Variants in OR51B5 observed in about 807,000 individuals in gnomAD.
The protein encoded by OR51B5 is olfactory receptor family 51 subfamily B member 5, also known as olfactory receptor 51B5.
For synonymous variants in OR51B5, 186 were observed against 144.8 expected, an observed-to-expected ratio of 1.28 and a Z score of -2.04; for missense variants, 456 against 374.6, an observed-to-expected ratio of 1.22 and a Z score of -1.79.
chr11:5,366,687 G>A (rs1356828103), intron 1 of OR51B5, among the ~76,000 whole-genome samples: 2 of 151,112 alleles, frequency 1.3e-5, no homozygotes, highest in African/African-American at 4.9e-5. Context: ...GAAGAAGAAG[G>A]AGAAGGAGAA....
intron 1 of OR51B5, among the ~76,000 whole-genome samples, chr11:5,411,948 T>A (rs1850154796): frequency 6.6e-6 from 1 of 152,194 alleles, no homozygotes; most frequent in Non-Finnish European, 1.5e-5. Flanking sequence ...AGCAAGGTGG[T>A]CCAGCCAATC....
intron 1 of OR51B5, among the ~76,000 whole-genome samples, chr11:5,475,909 C>T (rs1851298677): frequency 1.3e-5 from 2 of 152,160 alleles, no homozygotes; most frequent in Admixed American, 1.3e-4. Flanking sequence ...TGTTTCTTTG[C>T]CATTGTATCT....
chr11:5,342,728 A>C (rs1387154431), exon 1 of OR51B5: 5 of 1,613,888 alleles, frequency 3.1e-6, no homozygotes, highest in Non-Finnish European at 3.4e-6. Flanking sequence ...AATATGTGGA[A>C]CCTGCTTTCC....
At chr11:5,455,557 G>A (rs926650026) in intron 1 of OR51B5, 20 of 33,678 alleles carry the variant, frequency 5.9e-4, no homozygotes, top group Admixed American at 3.3e-3. Flanking sequence ...GGGGGAGAAA[G>A]AAGGGGGGAG....
intron 1 of OR51B5, among the ~76,000 whole-genome samples, chr11:5,424,752 C>A (rs1429490672): frequency 1.3e-5 from 2 of 148,878 alleles, no homozygotes. Flanking sequence ...GAGGCCGAGA[C>A]GGGTGGATCA....
intron 1 of OR51B5, among the ~76,000 whole-genome samples, chr11:5,374,082 A>C (rs1457758318): frequency 6.6e-6 from 1 of 152,112 alleles, no homozygotes; most frequent in Non-Finnish European, 1.5e-5. Context: ...AGGCACCCCC[A>C]AGTAAGGGCA....
chr11:5,379,351 C>A (rs953037802), intron 1 of OR51B5, among the ~76,000 whole-genome samples: 6 of 151,862 alleles, frequency 4.0e-5, no homozygotes, highest in Non-Finnish European at 7.4e-5. Flanking sequence ...AGGAGATATA[C>A]CTAATGCTAA....
intron 1 of OR51B5, chr11:5,389,852 C>CCTCTG: frequency 6.2e-7 from 1 of 1,613,860 alleles, no homozygotes; most frequent in Non-Finnish European, 8.5e-7. Context: ...CACTGGCCAG[C>CCTCTG]AAGTGGTCAG....
At chr11:5,422,473 T>C (rs1247775168) in intron 1 of OR51B5, 7 of 1,614,190 alleles carry the variant, frequency 4.3e-6, no homozygotes, top group Non-Finnish European at 5.9e-6. Flanking sequence ...GGTTCAACGT[T>C]CGTAGAATCA....
intron 1 of OR51B5, among the ~76,000 whole-genome samples, chr11:5,434,212 G>C (rs1306895155): frequency 1.3e-5 from 2 of 152,136 alleles, no homozygotes; most frequent in African/African-American, 2.4e-5. Flanking sequence ...AACCACTCCA[G>C]ATTCATTTTG....
At chr11:5,412,817 G>A (rs918957167) in intron 1 of OR51B5, among the ~76,000 whole-genome samples, 12 of 152,156 alleles carry the variant, frequency 7.9e-5, no homozygotes, top group African/African-American at 2.9e-4. Context: ...GCCCACCACA[G>A]CTCAAGGAGG....
At chr11:5,377,693 A>G (rs1290036205) in intron 1 of OR51B5, among the ~76,000 whole-genome samples, 1 of 152,156 alleles carries the variant, frequency 6.6e-6, no homozygotes, top group South Asian at 2.1e-4. Context: ...CCAAATCATG[A>G]GGGAACTCCC....
chr11:5,489,146 T>C (rs144842442), intron 1 of OR51B5: 9 of 1,613,838 alleles, frequency 5.6e-6, no homozygotes, highest in African/African-American at 1.3e-5. Flanking sequence ...ATAGGCAGAA[T>C]TGGCTTTGTT....
downstream of OR51B5, among the ~76,000 whole-genome samples, chr11:5,342,127 A>AGGTTCCCATTGTTT (rs201036966): frequency 7.4e-4 from 112 of 152,272 alleles, 2 homozygotes; most frequent in East Asian, 0.02. Flanking sequence ...CCAAATTTAT[A>AGGTTCCCATTGTTT]GGTTCCCATT....
At chr11:5,387,968 AAAGT>A (rs1194584792) in intron 1 of OR51B5, among the ~76,000 whole-genome samples, 18 of 152,116 alleles carry the variant, frequency 1.2e-4, no homozygotes, top group Admixed American at 1.0e-3. Flanking sequence ...CCTAGGTGTA[AAAGT>A]AATTGCAGTT....
At chr11:5,348,863 G>C (rs1849033572) in intron 1 of OR51B5, among the ~76,000 whole-genome samples, 1 of 151,950 alleles carries the variant, frequency 6.6e-6, no homozygotes, top group Non-Finnish European at 1.5e-5. Flanking sequence ...ATCACAGAAA[G>C]GATAATAGCC....
At chr11:5,439,835 T>C (rs1023311709) in intron 1 of OR51B5, among the ~76,000 whole-genome samples, 6 of 152,178 alleles carry the variant, frequency 3.9e-5, no homozygotes, top group African/African-American at 1.4e-4. Flanking sequence ...CCCAAGGTTC[T>C]TATCAAAAGC....
At chr11:5,443,132 T>A (rs959588129) in intron 1 of OR51B5, among the ~76,000 whole-genome samples, 2 of 152,190 alleles carry the variant, frequency 1.3e-5, no homozygotes, top group African/African-American at 4.8e-5. Flanking sequence ...TCTTCTACTA[T>A]ATTTTCATGG....
At chr11:5,388,092 GAATA>G (rs1209300993) in intron 1 of OR51B5, among the ~76,000 whole-genome samples, 2 of 151,840 alleles carry the variant, frequency 1.3e-5, no homozygotes, top group African/African-American at 2.4e-5. Context: ...ATCAATTAAT[GAATA>G]ATTATTGAAA....
Sources: gnomAD v4.1 joint callset for allele counts (sites outside exome capture counted in the v4.1 genomes callset) on GRCh38, gnomAD v4.1.1 for gene constraint, MANE v1.5 for transcripts, NCBI Gene and HGNC (gene_info 2026-07-23, HGNC 2026-07-21) for gene names.